SLC1A2: variants seen among roughly 807,000 people sequenced by gnomAD.
The protein encoded by SLC1A2 is excitatory amino acid transporter 2.
Under a neutral mutation model 48.8 loss-of-function variants are expected in SLC1A2, and 15 were observed. The observed-to-expected ratio is 0.31, with a 90% confidence interval of 0.21 to 0.47. SLC1A2 has a LOEUF of 0.47. Among genes scored for constraint, SLC1A2 ranks in the 20% least tolerant of loss-of-function variants. The probability of loss-of-function intolerance (pLI) is 0.99; values close to 1 mark genes in which losing one functional copy is unlikely to be tolerated. For synonymous variants in SLC1A2, 279 were observed against 272.6 expected (o/e 1.02, Z -0.23); for missense variants, 502 against 730.5 (o/e 0.69, Z 3.61).
At chr11:35,415,811 G>C (rs1197979528) in intron 1 of SLC1A2, among the ~76,000 whole-genome samples, 2 of 152,114 alleles carry the variant, frequency 1.3e-5, no homozygotes, top group Non-Finnish European at 2.9e-5. Flanking sequence ...GTGGGTCTCT[G>C]ACATACAGAG....
intron 1 of SLC1A2, among the ~76,000 whole-genome samples, chr11:35,327,141 T>G (rs148267920): frequency 1.3e-5 from 2 of 152,354 alleles, no homozygotes; most frequent in African/African-American, 4.8e-5. Flanking sequence ...ATTCTCCTTT[T>G]TTTCCTTTTT....
At chr11:35,373,921 T>C (rs547319185) in intron 1 of SLC1A2, among the ~76,000 whole-genome samples, 1 of 152,352 alleles carries the variant, frequency 6.6e-6, no homozygotes, top group South Asian at 2.1e-4. Context: ...CCCTCACATG[T>C]AGTACCTAAG....
intron 9 of SLC1A2, among the ~76,000 whole-genome samples, chr11:35,271,120 G>T (rs1228063342): frequency 6.6e-6 from 1 of 152,202 alleles, no homozygotes; most frequent in African/African-American, 2.4e-5. Context: ...AAGAGTCAAA[G>T]ATTCCTCTCA....
At chr11:35,284,296 A>C (rs1281447186) in intron 8 of SLC1A2, among the ~76,000 whole-genome samples, 1 of 151,842 alleles carries the variant, frequency 6.6e-6, no homozygotes, top group Non-Finnish European at 1.5e-5. Flanking sequence ...AAAATATAGA[A>C]CCCAATATCT....
intron 1 of SLC1A2, among the ~76,000 whole-genome samples, chr11:35,338,414 G>A (rs991312913): frequency 1.3e-4 from 20 of 152,012 alleles, no homozygotes; most frequent in African/African-American, 4.8e-4. Flanking sequence ...GGTTTGGATG[G>A]AACTGACCCA....
At position 35,344,243 on chromosome 11, in the gene SLC1A2, T is replaced by G. The variant is rs145253333; in HGVS notation, c.18-26727A>C. ...GGAGGTAATAACAAACAATGTCATA[T>G]GGAATAAGCACTGTAAAGAACAATG... On this transcript the variant is annotated intron_variant, in intron 1 of 10. Transcript: ENST00000278379. 4.6e-5 allele frequency among the ~76,000 whole-genome samples: 7 copies of G among 152,258 alleles called. No individual in the cohort carries two copies. The East Asian group carries it at 1.2e-3, about 25-fold the overall frequency.
intron 1 of SLC1A2, among the ~76,000 whole-genome samples, chr11:35,401,399 G>C (rs1855135964): frequency 6.6e-6 from 1 of 152,198 alleles, no homozygotes; most frequent in South Asian, 2.1e-4. Flanking sequence ...TATCCGTCAT[G>C]TTGATATCTT....
rs1851038858 is a variant in SLC1A2 at position 35,292,417 on chromosome 11, T to C, written c.961A>G (p.Ile321Val). 6.2e-7 allele frequency: 1 copy of C among 1,613,854 alleles called. No homozygotes were observed. Among genetic ancestry groups the C allele is most frequent in the African/African-American group, 1.3e-5 (1 of 75,008 alleles). The change falls in exon 7 of 11, where the codon ATC becomes GTC. Residue 321 changes from isoleucine (I) to valine (V), a missense_variant. Coordinates refer to ENST00000278379, the MANE Select transcript of SLC1A2 (RefSeq NM_004171.4). ...RQLGMYMVTV[I>V]IGLIIHGGIF... ...CCCCCGTGGATGATGAGGCCTATGA[T>C]CACTGTTACCATGTACATCCCCAGT...
At chr11:35,409,763 G>C (rs767928841) in intron 1 of SLC1A2, among the ~76,000 whole-genome samples, 7 of 152,048 alleles carry the variant, frequency 4.6e-5, no homozygotes, top group Admixed American at 6.6e-5. Context: ...ACAAAAATTA[G>C]CCAGGCATCG....
Position 35,254,778 on chromosome 11 carries a change from T to C in SLC1A2, c.*6116A>G, listed in dbSNP as rs1950290484. 1 of 456,020 alleles carries C rather than the reference T, an allele frequency of 2.2e-6. No individual in the cohort carries two copies. Among genetic ancestry groups the C allele is most frequent in the Non-Finnish European group, 4.4e-6 (1 of 226,922 alleles). 28.2% of individuals were successfully genotyped at this position (456,020 alleles called of 1,614,324 possible). On this transcript the variant is annotated 3_prime_UTR_variant, in exon 11 of 11. Transcript: ENST00000278379. ...TACAAAGCAGTGAGGTCTGTTCCAA[T>C]AGCTGGTTTTATTCTCAGCACAAAA...
At chr11:35,335,444 C>T (rs1419139697) in intron 1 of SLC1A2, among the ~76,000 whole-genome samples, 1 of 152,172 alleles carries the variant, frequency 6.6e-6, no homozygotes, top group Admixed American at 6.5e-5. Context: ...TAGCAGAGGT[C>T]CCAGTACTCC....
intron 9 of SLC1A2, among the ~76,000 whole-genome samples, chr11:35,274,588 T>C (rs761223883): frequency 3.3e-5 from 5 of 152,140 alleles, no homozygotes; most frequent in Non-Finnish European, 7.4e-5. Flanking sequence ...TGCATGTGCA[T>C]GTGTGTGTCT....
rs376719375 is a variant in SLC1A2 at position 35,361,445 on chromosome 11, A to T, written c.18-43929T>A. On this transcript the variant is annotated intron_variant, in intron 1 of 10. Coordinates refer to ENST00000278379, the MANE Select transcript of SLC1A2 (RefSeq NM_004171.4). ...TGAAGCAATAGTCTTCTATATAAAGATCAAGCTCCCTAACATAGCACACAG... is the reference window on the plus strand; with the variant it reads ...TGAAGCAATAGTCTTCTATATAAAGTTCAAGCTCCCTAACATAGCACACAG... 2.7e-4 allele frequency among the ~76,000 whole-genome samples: 41 copies of T among 152,328 alleles called. 1 individual carries two copies. Among genetic ancestry groups the T allele is most frequent in the East Asian group, 1.9e-3 (10 of 5,186 alleles).
chr11:35,411,432 A>G (rs572030399), intron 1 of SLC1A2, among the ~76,000 whole-genome samples: 31 of 152,284 alleles, frequency 2.0e-4, no homozygotes, highest in African/African-American at 6.7e-4. Flanking sequence ...TCAGATTCCA[A>G]CTGTTCTTTC....
chr11:35,391,825 A>T (rs902628725), intron 1 of SLC1A2, among the ~76,000 whole-genome samples: 1 of 152,164 alleles, frequency 6.6e-6, no homozygotes, highest in Non-Finnish European at 1.5e-5. Context: ...TTCACTTTCA[A>T]CCCTCAAACC....
intron 9 of SLC1A2, among the ~76,000 whole-genome samples, chr11:35,266,725 A>G (rs1950491104): frequency 6.6e-6 from 1 of 152,224 alleles, no homozygotes; most frequent in Non-Finnish European, 1.5e-5. Context: ...AATTAAAATG[A>G]AGGAGTTTAC....
intron 4 of SLC1A2, among the ~76,000 whole-genome samples, chr11:35,308,623 T>C (rs1240861409): frequency 6.6e-6 from 1 of 152,168 alleles, no homozygotes; most frequent in Non-Finnish European, 1.5e-5. Flanking sequence ...CCAAACTCAT[T>C]CTTTTATAGC....
chr11:35,397,472 C>T (rs1855000111), intron 1 of SLC1A2, among the ~76,000 whole-genome samples: 1 of 148,236 alleles, frequency 6.7e-6, no homozygotes, highest in Non-Finnish European at 1.5e-5. Context: ...AACTGGCTAG[C>T]CATATGTAGA....
chr11:35,356,516 T>C (rs1043755151), intron 1 of SLC1A2, among the ~76,000 whole-genome samples: 1 of 152,208 alleles, frequency 6.6e-6, no homozygotes, highest in Non-Finnish European at 1.5e-5. Context: ...TTGGTTGCAA[T>C]GTGGGCAAAA....
Sources: allele counts gnomAD v4.1 joint callset (sites outside exome capture counted in the v4.1 genomes callset), GRCh38; gene constraint gnomAD v4.1.1; transcripts MANE v1.5; gene names NCBI Gene and HGNC (gene_info 2026-07-23, HGNC 2026-07-21).